FRMD4A: variants seen among roughly 807,000 people sequenced by gnomAD.
FRMD4A encodes FERM domain-containing protein 4A.
FRMD4A carries 29 observed loss-of-function variants against 129.1 expected under a neutral mutation model. The ratio of observed to expected loss-of-function variants is 0.22; its 90% CI spans 0.17 to 0.31. The LOEUF (loss-of-function observed/expected upper bound fraction) is 0.31. FRMD4A is among the 10% of genes least tolerant of loss of function. The pLI is 1.00. For synonymous variants in FRMD4A, 634 were observed against 571.6 expected (o/e 1.11, Z -1.56); for missense variants, 1,272 against 1,375.8 (o/e 0.92, Z 1.19).
At chr10:13,845,917 T>A (rs1469694538) in intron 3 of FRMD4A, among the ~76,000 whole-genome samples, 1 of 152,222 alleles carries the variant, frequency 6.6e-6, no homozygotes, top group Non-Finnish European at 1.5e-5. Context: ...GCTCTCAGCG[T>A]GCTGGAACCT....
intron 11 of FRMD4A, among the ~76,000 whole-genome samples, chr10:13,738,280 C>T (rs1007149714): frequency 1.3e-5 from 2 of 152,174 alleles, no homozygotes; most frequent in Non-Finnish European, 2.9e-5. Flanking sequence ...TGCCGGGATG[C>T]TCACTCACCA....
rs10674411 is a variant in FRMD4A, at chr10:14,227,243, C to CTTTTTTTTTTTTT, written c.45+102802_45+102814dup. ...TCCTCCTCCTCCTTCTCTTCTTCTT[C>CTTTTTTTTTTTTT]TTTTTTTTTTTTTTTTTTTTTTTTT... On this transcript the variant is annotated intron_variant, in intron 2 of 24. Transcript: ENST00000357447. Among the ~76,000 whole-genome samples the CTTTTTTTTTTTTT allele has an allele frequency of 7.3e-4, 47 of 64,130 alleles. 12 individuals are homozygous for CTTTTTTTTTTTTT. The highest frequency in any genetic ancestry group is 9.8e-4 in the Non-Finnish European group (36 of 36,888). The allele number at this position is 64,130 out of a possible 152,430, so 42.1% of individuals were successfully genotyped here. A position where few individuals can be genotyped will look rare whatever the true frequency, so the allele number is the denominator to read the frequency against.
At chr10:13,942,133 C>T (rs1047065815) in intron 2 of FRMD4A, among the ~76,000 whole-genome samples, 3 of 152,036 alleles carry the variant, frequency 2.0e-5, no homozygotes, top group Non-Finnish European at 4.4e-5. Context: ...ATGGAGGGAC[C>T]CTATCCTTTC....
intron 9 of FRMD4A, among the ~76,000 whole-genome samples, chr10:13,744,104 G>A (rs1037710484): frequency 6.6e-6 from 1 of 152,174 alleles, no homozygotes; most frequent in African/African-American, 2.4e-5. Flanking sequence ...GGTGATGGAA[G>A]GGGAAACAGG....
At chr10:13,691,215 TG>T (rs1480673168) in intron 15 of FRMD4A, among the ~76,000 whole-genome samples, 1 of 152,240 alleles carries the variant, frequency 6.6e-6, no homozygotes, top group African/African-American at 2.4e-5. Context: ...CTCTAACTCC[TG>T]GCCTCAAGCG....
chr10:13,751,228 G>T (rs908770915), intron 8 of FRMD4A, among the ~76,000 whole-genome samples: 1 of 152,142 alleles, frequency 6.6e-6, no homozygotes, highest in Admixed American at 6.6e-5. Flanking sequence ...CAAACAAGTT[G>T]CCCTGATGAC....
intron 2 of FRMD4A, among the ~76,000 whole-genome samples, chr10:14,127,955 T>C (rs1398456186): frequency 3.4e-4 from 9 of 26,702 alleles, no homozygotes; most frequent in Non-Finnish European, 4.8e-4. Flanking sequence ...TCTTTCTTTC[T>C]TTCTTTCTTT....
At chr10:13,960,538 A>G (rs2095439920) in intron 2 of FRMD4A, among the ~76,000 whole-genome samples, 1 of 152,224 alleles carries the variant, frequency 6.6e-6, no homozygotes, top group African/African-American at 2.4e-5. Context: ...TATGTGGCAA[A>G]TAAGGCTATT....
At chr10:14,091,216 T>TA (rs1413490042) in intron 2 of FRMD4A, among the ~76,000 whole-genome samples, 3 of 151,968 alleles carry the variant, frequency 2.0e-5, no homozygotes, top group African/African-American at 7.3e-5. Context: ...AAAAGCACAA[T>TA]AAAAAGCAAT....
At chr10:14,146,994 T>C (rs557679171) in intron 2 of FRMD4A, among the ~76,000 whole-genome samples, 9 of 152,370 alleles carry the variant, frequency 5.9e-5, no homozygotes, top group African/African-American at 2.2e-4. Context: ...TAAATGTAGA[T>C]ATGCATGTCT....
intron 5 of FRMD4A, among the ~76,000 whole-genome samples, chr10:13,784,702 T>C (rs1194779804): frequency 6.6e-6 from 1 of 152,152 alleles, no homozygotes; most frequent in Non-Finnish European, 1.5e-5. Flanking sequence ...GATTTATCCA[T>C]AATTGGCCAG....
intron 2 of FRMD4A, among the ~76,000 whole-genome samples, chr10:14,171,991 TCAA>T (rs1429429053): frequency 1.3e-5 from 2 of 152,216 alleles, no homozygotes; most frequent in Non-Finnish European, 2.9e-5. Flanking sequence ...CTGGGTAATT[TCAA>T]CAACATTTGG....
chr10:13,681,311 G>A (rs17615605), intron 15 of FRMD4A, among the ~76,000 whole-genome samples: 22,375 of 152,144 alleles, frequency 0.15, 2,091 homozygotes, highest in Middle Eastern at 0.25. Context: ...TCAACAGACC[G>A]AAGCAAATAT....
intron 2 of FRMD4A, chr10:14,007,369 A>C (rs961629641): frequency 1.3e-5 from 2 of 152,226 alleles, no homozygotes; most frequent in Admixed American, 6.5e-5. Context: ...CCAGCTTTGC[A>C]TTAACTAGAG....
In FRMD4A at chr10:13,956,003, T is replaced by G. The variant is rs546789881; in HGVS notation, c.46-97091A>C. On this transcript the variant is annotated intron_variant, in intron 2 of 24. Transcript: ENST00000357447. ...CACCCTTTCAAATTCATCTCTACAG[T>G]TGTTGCAAAGGGATCTTCCTAGAAA... Among the ~76,000 whole-genome samples, 28 of 152,322 alleles carry G rather than the reference T, an allele frequency of 1.8e-4. No individual in the cohort carries two copies. In the Middle Eastern group the frequency reaches 0.01, roughly 56 times the overall value.
chr10:13,652,929 G>C (rs150559528), intron 23 of FRMD4A: 1 of 151,928 alleles, frequency 6.6e-6, no homozygotes, highest in Non-Finnish European at 1.5e-5. Flanking sequence ...CTTAACTACC[G>C]GTATAGTGGG....
At chr10:13,822,326 A>C (rs2130909996) in intron 3 of FRMD4A, among the ~76,000 whole-genome samples, 1 of 152,340 alleles carries the variant, frequency 6.6e-6, no homozygotes, top group East Asian at 1.9e-4. Context: ...GCTTGCTTTT[A>C]AATTCTGGGG....
chr10:13,720,725 C>T (rs554979451), intron 12 of FRMD4A, among the ~76,000 whole-genome samples: 4 of 152,212 alleles, frequency 2.6e-5, no homozygotes, highest in South Asian at 4.2e-4. Flanking sequence ...GAAGTGACAT[C>T]GAGTCAATAT....
chr10:13,655,662 C>A (rs1404425458), intron 22 of FRMD4A: 1 of 152,198 alleles, frequency 6.6e-6, no homozygotes, highest in Non-Finnish European at 1.5e-5. Flanking sequence ...TCCTACAGTT[C>A]CCCAAAGATG....
Sources: gnomAD v4.1 joint callset for allele counts (sites outside exome capture counted in the v4.1 genomes callset) on GRCh38, gnomAD v4.1.1 for gene constraint, MANE v1.5 for transcripts, NCBI Gene and HGNC (gene_info 2026-07-23, HGNC 2026-07-21) for gene names.